PCSK5: variants seen among roughly 807,000 people sequenced by gnomAD.
PCSK5 encodes the protein proprotein convertase subtilisin/kexin type 5.
Under a neutral mutation model 233.2 loss-of-function variants are expected in PCSK5, and 129 were observed. The ratio of observed to expected loss-of-function variants is 0.55; its 90% CI spans 0.48 to 0.64. The LOEUF is 0.64. PCSK5 is among the 30% of genes least tolerant of loss of function. PCSK5 has a pLI of 0.00. For synonymous variants in PCSK5, 825 were observed against 879.2 expected, an observed-to-expected ratio of 0.94 and a Z score of 1.09; for missense variants, 2,076 against 2,430.1, an observed-to-expected ratio of 0.85 and a Z score of 3.06.
At chr9:76,107,907 T>A (rs1227934083) in intron 9 of PCSK5, among the ~76,000 whole-genome samples, 1 of 152,214 alleles carries the variant, frequency 6.6e-6, no homozygotes, top group African/African-American at 2.4e-5. Flanking sequence ...CTCATCTCTT[T>A]TTTCTCTAAG....
intron 13 of PCSK5, among the ~76,000 whole-genome samples, chr9:76,173,438 A>G (rs1227967560): frequency 7.4e-6 from 1 of 135,460 alleles, no homozygotes; most frequent in South Asian, 2.3e-4. Context: ...ACTTCTGCTT[A>G]CGGTTGATTC....
intron 1 of PCSK5, among the ~76,000 whole-genome samples, chr9:75,893,054 T>G (rs1320352749): frequency 1.3e-5 from 2 of 152,132 alleles, no homozygotes; most frequent in Admixed American, 6.5e-5. Context: ...GAACTTAAAG[T>G]TGGGCACTGC....
At chr9:76,224,158 A>T (rs1307964934) in intron 20 of PCSK5, among the ~76,000 whole-genome samples, 2 of 152,322 alleles carry the variant, frequency 1.3e-5, no homozygotes, top group East Asian at 3.9e-4. Context: ...GGAAAAAACA[A>T]GTTTTACAAG....
At chr9:76,205,607 T>C (rs1260190203) in intron 20 of PCSK5, among the ~76,000 whole-genome samples, 1 of 152,210 alleles carries the variant, frequency 6.6e-6, no homozygotes, top group Non-Finnish European at 1.5e-5. Flanking sequence ...GTAGGGACCA[T>C]GTCTAACATT....
At chr9:76,017,946 G>A (rs771878793) in intron 3 of PCSK5, among the ~76,000 whole-genome samples, 14 of 145,160 alleles carry the variant, frequency 9.6e-5, no homozygotes, top group South Asian at 4.3e-4. Context: ...TTCCTCACAC[G>A]TGTCGAATGT....
intron 7 of PCSK5, among the ~76,000 whole-genome samples, chr9:76,082,098 G>A (rs1027257175): frequency 1.3e-5 from 2 of 152,054 alleles, no homozygotes; most frequent in East Asian, 3.9e-4. Context: ...CTTCTTAGTA[G>A]GGCATATAGG....
chr9:75,990,107 G>T (rs1402766901), intron 3 of PCSK5, among the ~76,000 whole-genome samples: 1 of 152,098 alleles, frequency 6.6e-6, no homozygotes, highest in Admixed American at 6.5e-5. Flanking sequence ...ATGCCCAGTG[G>T]GCATTCTTGG....
chr9:76,029,713 G>C (rs1258792200), intron 5 of PCSK5, among the ~76,000 whole-genome samples: 1 of 152,158 alleles, frequency 6.6e-6, no homozygotes, highest in Non-Finnish European at 1.5e-5. Flanking sequence ...GAGCTCCCAA[G>C]GTAACTTGGG....
At chr9:75,955,718 CTG>C (rs1229303182) in intron 2 of PCSK5, among the ~76,000 whole-genome samples, 2 of 151,490 alleles carry the variant, frequency 1.3e-5, no homozygotes, top group African/African-American at 4.9e-5. Flanking sequence ...TTTAAATTAA[CTG>C]TGTTAATTTG....
chr9:76,281,803 C>T (rs764360218), intron 24 of PCSK5, among the ~76,000 whole-genome samples: 15 of 151,802 alleles, frequency 9.9e-5, no homozygotes, highest in Non-Finnish European at 1.6e-4. Context: ...TGTATGCCAC[C>T]ACACTAGGCT....
intron 3 of PCSK5, among the ~76,000 whole-genome samples, chr9:76,020,070 G>C (rs1828115019): frequency 6.6e-6 from 1 of 152,228 alleles, no homozygotes; most frequent in Non-Finnish European, 1.5e-5. Context: ...ACACCAGGCT[G>C]TGGGCTGCAT....
At chr9:76,006,741 G>A (rs1047995702) in intron 3 of PCSK5, among the ~76,000 whole-genome samples, 42 of 152,220 alleles carry the variant, frequency 2.8e-4, no homozygotes, top group African/African-American at 1.0e-3. Context: ...AAAACACATC[G>A]GCTAGATTAC....
At chr9:76,340,532 C>G (rs1246456029) in intron 35 of PCSK5, among the ~76,000 whole-genome samples, 1 of 148,082 alleles carries the variant, frequency 6.8e-6, no homozygotes, top group African/African-American at 2.5e-5. Flanking sequence ...GTAATCTCAA[C>G]TACTTGGGAG....
chr9:76,020,041 T>A (rs1312081277), intron 3 of PCSK5, among the ~76,000 whole-genome samples: 2 of 152,264 alleles, frequency 1.3e-5, no homozygotes, highest in Admixed American at 1.3e-4. Flanking sequence ...TGGAAATTTC[T>A]GACTGGCCCC....
intron 24 of PCSK5, 24 bp from the exon 25 acceptor site, chr9:76,292,209 C>A: frequency 7.0e-7 from 1 of 1,434,338 alleles, no homozygotes. Context: ...ATGATTATTA[C>A]TTTTTATTAT....
At chr9:75,928,181 A>G (rs1007008068) in intron 1 of PCSK5, among the ~76,000 whole-genome samples, 1 of 152,152 alleles carries the variant, frequency 6.6e-6, no homozygotes, top group African/African-American at 2.4e-5. Context: ...TCTTTCCTTT[A>G]TGTAGCTAGC....
intron 20 of PCSK5, among the ~76,000 whole-genome samples, chr9:76,226,501 C>G (rs914823654): frequency 6.6e-6 from 1 of 152,068 alleles, no homozygotes; most frequent in African/African-American, 2.4e-5. Flanking sequence ...AAACCCTGGG[C>G]GGGTCCTGCT....
intron 22 of PCSK5, among the ~76,000 whole-genome samples, chr9:76,234,566 T>C (rs899009732): frequency 1.3e-5 from 2 of 152,228 alleles, no homozygotes; most frequent in Admixed American, 6.5e-5. Context: ...CATTTCTGTA[T>C]ATAAATTCAT....
chr9:76,046,812 G>A (rs1033398399), intron 5 of PCSK5, among the ~76,000 whole-genome samples: 2 of 151,510 alleles, frequency 1.3e-5, no homozygotes, highest in African/African-American at 4.9e-5. Flanking sequence ...CGCCCGCCTC[G>A]GCCTCCCAAA....
Sources: allele counts gnomAD v4.1 joint callset (sites outside exome capture counted in the v4.1 genomes callset), GRCh38; gene constraint gnomAD v4.1.1; transcripts MANE v1.5; gene names NCBI Gene and HGNC (gene_info 2026-07-23, HGNC 2026-07-21).